The following SLC16A10 variants were observed in gnomAD, a reference collection of about 807,000 sequenced individuals.
SLC16A10 encodes monocarboxylate transporter 10.
Under a neutral mutation model 40.0 loss-of-function variants are expected in SLC16A10, and 27 were observed. The ratio of observed to expected loss-of-function variants is 0.67; its 90% CI spans 0.50 to 0.93. The LOEUF (loss-of-function observed/expected upper bound fraction) is 0.93, where lower values mean the gene tolerates loss of function less well. Ranked by LOEUF, SLC16A10 falls within the 40% of genes least tolerant of loss-of-function variation. SLC16A10 has a pLI of 0.00. For synonymous variants in SLC16A10, 213 were observed against 249.8 expected, an observed-to-expected ratio of 0.85 and a Z score of 1.39; for missense variants, 529 against 658.2, an observed-to-expected ratio of 0.80 and a Z score of 2.15.
chr6:111,190,429 G>T (rs1465199165), intron 3 of SLC16A10, among the ~76,000 whole-genome samples: 2 of 152,218 alleles, frequency 1.3e-5, no homozygotes, highest in Non-Finnish European at 2.9e-5. Context: ...GAGGACGGTA[G>T]CCCTCTTCTC....
At chr6:111,141,985 A>C (rs1189364495) in intron 1 of SLC16A10, among the ~76,000 whole-genome samples, 1 of 152,030 alleles carries the variant, frequency 6.6e-6, no homozygotes, top group Non-Finnish European at 1.5e-5. Flanking sequence ...GACCCAAAAT[A>C]GGTGACATGC....
At chr6:111,089,157 C>G (rs2114418554) in intron 1 of SLC16A10, among the ~76,000 whole-genome samples, 1 of 151,790 alleles carries the variant, frequency 6.6e-6, no homozygotes, top group Admixed American at 6.6e-5. Context: ...TTTCTTAGGT[C>G]TTTAGTATGC....
At chr6:111,162,960 G>C (rs1772397234) in intron 1 of SLC16A10, among the ~76,000 whole-genome samples, 1 of 151,792 alleles carries the variant, frequency 6.6e-6, no homozygotes, top group Non-Finnish European at 1.5e-5. Context: ...AATCTCCAAA[G>C]TTATCAGAAA....
At position 111,181,215 on chromosome 6, in the gene SLC16A10, CAA is replaced by C. The variant is rs78386837; in HGVS notation, c.942+3568_942+3569del. On this transcript the variant is annotated intron_variant, in intron 3 of 5. Transcript: ENST00000368851. ...GGGTGACAAGAGCGAAACTCCATCT[CAA>C]AAAAAAAAAAAAAAAAAGTTCTGAA... is the stretch of plus-strand genomic sequence containing the variant. Among the ~76,000 whole-genome samples, 280 of 82,926 alleles carry C rather than the reference CAA, an allele frequency of 3.4e-3. 1 individual carries two copies. The highest frequency in any genetic ancestry group is 9.2e-3 in the African/African-American group (213 of 23,118). The allele number at this position is 82,926 out of a possible 152,430, so 54.4% of individuals were successfully genotyped here.
chr6:111,135,309 C>G (rs1209396657), intron 1 of SLC16A10, among the ~76,000 whole-genome samples: 1 of 152,120 alleles, frequency 6.6e-6, no homozygotes, highest in Admixed American at 6.5e-5. Context: ...GGCAGTACCC[C>G]CTTAGACTGG....
chr6:111,167,271 T>G (rs927746104), intron 1 of SLC16A10, among the ~76,000 whole-genome samples: 1 of 152,204 alleles, frequency 6.6e-6, no homozygotes, highest in Non-Finnish European at 1.5e-5. Flanking sequence ...GCACAAAGCA[T>G]CCTGCCTTTA....
At chr6:111,194,974 C>T (rs909341163) in intron 3 of SLC16A10, among the ~76,000 whole-genome samples, 1 of 152,146 alleles carries the variant, frequency 6.6e-6, no homozygotes, top group African/African-American at 2.4e-5. Flanking sequence ...TTGTGAGGCA[C>T]TTCTCAACTC....
At chr6:111,175,553 G>A (rs1410872095) in intron 2 of SLC16A10, among the ~76,000 whole-genome samples, 2 of 152,160 alleles carry the variant, frequency 1.3e-5, no homozygotes, top group East Asian at 1.9e-4. Flanking sequence ...AGCACTTTAA[G>A]TAAGTTACAA....
intron 2 of SLC16A10, among the ~76,000 whole-genome samples, chr6:111,175,757 T>C (rs1008439236): frequency 2.5e-4 from 38 of 151,304 alleles, no homozygotes; most frequent in Non-Finnish European, 4.9e-4. Flanking sequence ...CAGAATGCAG[T>C]GGTGTTATCA....
chr6:111,186,989 A>T (rs1772909783), intron 3 of SLC16A10, among the ~76,000 whole-genome samples: 1 of 152,124 alleles, frequency 6.6e-6, no homozygotes, highest in Non-Finnish European at 1.5e-5. Context: ...ATCCATGTTA[A>T]ATTGAACTGA....
intron 3 of SLC16A10, among the ~76,000 whole-genome samples, chr6:111,198,892 T>C (rs1288599694): frequency 6.6e-6 from 1 of 152,242 alleles, no homozygotes; most frequent in African/African-American, 2.4e-5. Context: ...TGGAAGTACA[T>C]GATACCTCAA....
intron 1 of SLC16A10, among the ~76,000 whole-genome samples, chr6:111,164,761 C>CA (rs1301237615): frequency 1.1e-4 from 16 of 151,864 alleles, no homozygotes; most frequent in Non-Finnish European, 1.2e-4. Flanking sequence ...GTTGAAAAAA[C>CA]AAAAAAGAGA....
intron 1 of SLC16A10, among the ~76,000 whole-genome samples, chr6:111,088,939 G>A (rs1277389287): frequency 6.6e-6 from 1 of 151,678 alleles, no homozygotes; most frequent in Non-Finnish European, 1.5e-5. Flanking sequence ...AGGTGAGCGC[G>A]GTCAACCCCA....
chr6:111,192,571 A>C (rs1322997729), intron 3 of SLC16A10, among the ~76,000 whole-genome samples: 1 of 152,054 alleles, frequency 6.6e-6, no homozygotes, highest in Non-Finnish European at 1.5e-5. Flanking sequence ...TTACAGCAGC[A>C]CCCCACTACC....
At chr6:111,187,574 G>A (rs1448787955) in intron 3 of SLC16A10, among the ~76,000 whole-genome samples, 1 of 152,182 alleles carries the variant, frequency 6.6e-6, no homozygotes, top group South Asian at 2.1e-4. Flanking sequence ...AGAACTGGGT[G>A]TAATACCCAA....
rs1194650563 is a variant in SLC16A10, at chr6:111,105,937, C to T, written c.343+17842C>T. 2.6e-5 allele frequency among the ~76,000 whole-genome samples: 4 copies of T among 152,282 alleles called. No individual in the cohort carries two copies. The South Asian group carries it at 6.2e-4, about 24-fold the overall frequency. ...TAGATATCTGCCGTTTTTTGTAAGC[C>T]AAGACACCTTTACCCTTCCAGTAAT... is the stretch of plus-strand genomic sequence containing the variant. On this transcript the variant is annotated intron_variant, in intron 1 of 5. Coordinates refer to ENST00000368851, the MANE Select transcript of SLC16A10 (RefSeq NM_018593.5).
At position 111,087,655 on chromosome 6, in the gene SLC16A10, C is replaced by A; in HGVS notation, c.-98C>A. The A allele has an allele frequency of 1.4e-6, 1 of 714,940 alleles. No individual in the cohort carries two copies. The highest frequency in any genetic ancestry group is 1.9e-6 in the Non-Finnish European group (1 of 530,896). The allele number at this position is 714,940 out of a possible 1,614,324, so 44.3% of individuals were successfully genotyped here. On this transcript the variant is annotated 5_prime_UTR_variant, in exon 1 of 6. Transcript: ENST00000368851. ...GGGGCTCCGCCGCCCTCGCCTCGGC[C>A]TCGTTAGCCCGCCAGGAGCCCCGCA... is the stretch of plus-strand genomic sequence containing the variant.
At chr6:111,218,317 T>C (rs1456734027) in intron 4 of SLC16A10, among the ~76,000 whole-genome samples, 1 of 152,176 alleles carries the variant, frequency 6.6e-6, no homozygotes, top group African/African-American at 2.4e-5. Flanking sequence ...CTGTGGCTCA[T>C]GCCTGTAATC....
At chr6:111,155,489 C>A (rs562919599) in intron 1 of SLC16A10, among the ~76,000 whole-genome samples, 18 of 152,202 alleles carry the variant, frequency 1.2e-4, no homozygotes, top group Non-Finnish European at 1.8e-4. Flanking sequence ...CGTAAGCCAC[C>A]ACGCCTGGCC....
Sources: allele counts gnomAD v4.1 joint callset (sites outside exome capture counted in the v4.1 genomes callset), GRCh38; gene constraint gnomAD v4.1.1; transcripts MANE v1.5; gene names NCBI Gene and HGNC (gene_info 2026-07-23, HGNC 2026-07-21).